Variants in MAGI1 observed in about 807,000 individuals in gnomAD.
MAGI1 encodes membrane associated guanylate kinase, WW and PDZ domain containing 1, also known as membrane-associated guanylate kinase, WW and PDZ domain-containing protein 1.
A neutral mutation model predicts 139.9 loss-of-function variants in MAGI1; 58 were observed. The ratio of observed to expected loss-of-function variants is 0.41; its 90% CI spans 0.34 to 0.52. The LOEUF (loss-of-function observed/expected upper bound fraction) is 0.52, where lower values mean the gene tolerates loss of function less well. Ranked by LOEUF, MAGI1 falls within the 20% of genes least tolerant of loss-of-function variation. The pLI is 0.12. For missense variants in MAGI1, 1,874 were observed against 1,901.6 expected (o/e 0.99, Z 0.27); for synonymous variants, 812 against 737.9 (o/e 1.10, Z -1.63).
rs192492160 is a variant in MAGI1, at chr3:66,023,640, A to G, written c.313+14356T>C. On this transcript the variant is annotated intron_variant, in intron 1 of 22. Transcript: ENST00000402939. ...TCTGACACTGTCCACTCCTGGGGTA[A>G]AGGTTAGGGTCCCAATTTATCTATA... 1.1e-3 allele frequency among the ~76,000 whole-genome samples: 172 copies of G among 152,318 alleles called. 2 individuals carry two copies. Among genetic ancestry groups the G allele is most frequent in the Non-Finnish European group, 1.7e-3 (118 of 68,034 alleles).
intron 1 of MAGI1, among the ~76,000 whole-genome samples, chr3:65,998,691 G>C (rs9879350): frequency 0.05 from 7,592 of 152,052 alleles, 599 homozygotes; most frequent in African/African-American, 0.17. Flanking sequence ...TGGTTTTTTT[G>C]GGGGGTTTTT....
Position 65,935,980 on chromosome 3 carries a change from A to T in MAGI1, c.313+102016T>A, listed in dbSNP as rs114929724. Among the ~76,000 whole-genome samples, 586 of 152,342 alleles carry T rather than the reference A, an allele frequency of 3.8e-3. 4 individuals are homozygous for T. Among genetic ancestry groups the T allele is most frequent in the African/African-American group, 0.013 (529 of 41,590 alleles). ...AGTAAGCCCAGGTGAAACCAGCCTA[A>T]GAACTATCTGGCCAACTCACAAAAT... On this transcript the variant is annotated intron_variant, in intron 1 of 22. Transcript: ENST00000402939.
chr3:65,867,257 A>G (rs1363651887), intron 1 of MAGI1, among the ~76,000 whole-genome samples: 7 of 152,212 alleles, frequency 4.6e-5, no homozygotes, highest in Non-Finnish European at 1.0e-4. Flanking sequence ...CTGGGCTGCT[A>G]CTACCTGAGG....
At chr3:65,988,171 C>T (rs2065980139) in intron 1 of MAGI1, among the ~76,000 whole-genome samples, 1 of 152,312 alleles carries the variant, frequency 6.6e-6, no homozygotes, top group Admixed American at 6.5e-5. Flanking sequence ...TACCAGGAAA[C>T]ATTCAGGGAC....
intron 1 of MAGI1, among the ~76,000 whole-genome samples, chr3:65,674,009 T>C (rs553658668): frequency 1.3e-3 from 199 of 152,188 alleles, no homozygotes; most frequent in African/African-American, 4.6e-3. Context: ...GAGGCTGAGG[T>C]TGGAGACTCT....
chr3:65,915,871 G>A (rs953794920), intron 1 of MAGI1, among the ~76,000 whole-genome samples: 1 of 151,890 alleles, frequency 6.6e-6, no homozygotes, highest in African/African-American at 2.4e-5. Flanking sequence ...ACTCAACTTA[G>A]TGAATCAAGC....
At chr3:65,470,175 TG>T in intron 5 of MAGI1, 107 bp downstream of exon 5, 1 of 689,884 alleles carries the variant, frequency 1.4e-6, no homozygotes, top group Non-Finnish European at 2.4e-6. Flanking sequence ...ATACCATCAG[TG>T]GGTGATCAAT....
chr3:66,035,213 C>T (rs1465587847), intron 1 of MAGI1, among the ~76,000 whole-genome samples: 2 of 152,164 alleles, frequency 1.3e-5, no homozygotes, highest in East Asian at 3.8e-4. Flanking sequence ...GAGTTTGATT[C>T]CTGCACAATC....
At chr3:65,839,509 G>A (rs147703315) in intron 1 of MAGI1, among the ~76,000 whole-genome samples, 1,523 of 152,072 alleles carry the variant, frequency 0.01, 28 homozygotes, top group African/African-American at 0.032. Flanking sequence ...GAGTGACAAA[G>A]GCGCAAACAC....
At position 65,981,275 on chromosome 3, in the gene MAGI1, T is replaced by C. The variant is rs118096865; in HGVS notation, c.313+56721A>G. 3.1e-3 allele frequency among the ~76,000 whole-genome samples: 478 copies of C among 152,330 alleles called. 6 individuals carry two copies. The highest frequency in any genetic ancestry group is 0.022 in the Admixed American group (333 of 15,304). On this transcript the variant is annotated intron_variant, in intron 1 of 22. Transcript: ENST00000402939. Reference sequence around the variant, plus strand: ...GCTTCTATATTGGATAGCTCCACTGTAGAACATTTTAAACATCACTGCAAG... The same window carrying C: ...GCTTCTATATTGGATAGCTCCACTGCAGAACATTTTAAACATCACTGCAAG...
At chr3:65,423,687 C>T (rs1167563663) in intron 12 of MAGI1, among the ~76,000 whole-genome samples, 1 of 152,196 alleles carries the variant, frequency 6.6e-6, no homozygotes, top group African/African-American at 2.4e-5. Flanking sequence ...CCAATCCTAG[C>T]TTTGCCACTA....
At chr3:65,688,406 G>A in intron 1 of MAGI1, 2 of 543,206 alleles carry the variant, frequency 3.7e-6, no homozygotes, top group Middle Eastern at 3.1e-4. Context: ...AAGGGAGGAA[G>A]AAGAGAAGAC....
At chr3:65,869,171 G>T (rs931517940) in intron 1 of MAGI1, among the ~76,000 whole-genome samples, 2 of 150,522 alleles carry the variant, frequency 1.3e-5, no homozygotes, top group Admixed American at 1.3e-4. Flanking sequence ...CAGGAGAATG[G>T]CGTGAACCCA....
chr3:65,895,225 A>C (rs568334757), intron 1 of MAGI1, among the ~76,000 whole-genome samples: 1 of 152,352 alleles, frequency 6.6e-6, no homozygotes, highest in African/African-American at 2.4e-5. Flanking sequence ...TCTTCTTCTA[A>C]GTGGGCAGTG....
intron 1 of MAGI1, among the ~76,000 whole-genome samples, chr3:65,624,352 CA>C (rs1370451791): frequency 1.3e-5 from 2 of 151,424 alleles, no homozygotes; most frequent in African/African-American, 4.8e-5. Flanking sequence ...TACAAATAGC[CA>C]AAAATTGGAA....
intron 2 of MAGI1, among the ~76,000 whole-genome samples, chr3:65,494,716 A>C (rs1952298933): frequency 6.6e-6 from 1 of 152,338 alleles, no homozygotes; most frequent in East Asian, 1.9e-4. Flanking sequence ...ATAACCGACT[A>C]TATGTGCCTA....
chr3:66,006,678 A>C (rs533471339), intron 1 of MAGI1, among the ~76,000 whole-genome samples: 1 of 152,348 alleles, frequency 6.6e-6, no homozygotes, highest in East Asian at 1.9e-4. Flanking sequence ...ACTGTCGTTT[A>C]AAGAAAGTAT....
intron 1 of MAGI1, among the ~76,000 whole-genome samples, chr3:65,927,807 T>C (rs1030502674): frequency 2.0e-5 from 3 of 152,146 alleles, no homozygotes; most frequent in Non-Finnish European, 2.9e-5. Context: ...ATTCCTAACC[T>C]GTCAGGGATT....
chr3:65,600,266 G>A (rs960838582), intron 2 of MAGI1, among the ~76,000 whole-genome samples: 18 of 152,200 alleles, frequency 1.2e-4, no homozygotes, highest in African/African-American at 4.3e-4. Flanking sequence ...ATGAGAGAAA[G>A]AAGGGAACTT....
Sources: allele counts gnomAD v4.1 joint callset (sites outside exome capture counted in the v4.1 genomes callset), GRCh38; gene constraint gnomAD v4.1.1; transcripts MANE v1.5; gene names NCBI Gene and HGNC (gene_info 2026-07-23, HGNC 2026-07-21).